PARVB: variants seen among roughly 807,000 people sequenced by gnomAD.
PARVB encodes beta-parvin.
PARVB carries 46 observed loss-of-function variants against 47.0 expected under a neutral mutation model. The ratio of observed to expected loss-of-function variants is 0.98; its 90% confidence interval spans 0.77 to 1.25. PARVB has a LOEUF of 1.25. Ranked by LOEUF, PARVB falls within the 50% of genes most tolerant of loss-of-function variation. PARVB has a pLI of 0.00. For synonymous variants in PARVB, 196 were observed against 196.3 expected (o/e 1.00, Z 0.01); for missense variants, 473 against 471.6 (o/e 1.00, Z -0.03).
intron 2 of PARVB, chr22:44,009,676 T>C (rs1464342045): frequency 1.3e-5 from 2 of 150,184 alleles, no homozygotes; most frequent in Non-Finnish European, 1.5e-5. Flanking sequence ...TTATATAAAC[T>C]CTCTTGTTAA....
In PARVB at chr22:44,132,837, G is replaced by A; in HGVS notation, c.518-57G>A. On this transcript the variant is annotated intron_variant, in intron 5 of 12. Transcript: ENST00000338758. The stretch of plus-strand genomic sequence containing the variant: ...TGTCTCTGTTGCCTTCTGCACGTGG[G>A]CTCAGGTTCCTGTGTAACCTGATCT... 6 of 1,181,420 alleles carry A rather than the reference G, an allele frequency of 5.1e-6. No homozygotes were observed. In the Middle Eastern group the frequency reaches 7.7e-4, roughly 152 times the overall value. The allele number at this position is 1,181,420 out of a possible 1,614,324, so 73.2% of individuals were successfully genotyped here.
chr22:44,043,934 G>T (rs551798284), intron 1 of PARVB, among the ~76,000 whole-genome samples: 118 of 152,292 alleles, frequency 7.7e-4, no homozygotes, highest in African/African-American at 2.6e-3. Context: ...AGTGGTGGCA[G>T]CTGTCCCATA....
intron 11 of PARVB, among the ~76,000 whole-genome samples, chr22:44,160,982 G>A (rs1043877425): frequency 1.3e-5 from 2 of 152,188 alleles, no homozygotes; most frequent in Non-Finnish European, 2.9e-5. Context: ...GGAGAGGCAC[G>A]TGAAAAGACC....
intron 2 of PARVB, among the ~76,000 whole-genome samples, chr22:44,098,865 G>A (rs1472279746): frequency 6.6e-6 from 1 of 151,836 alleles, no homozygotes; most frequent in Non-Finnish European, 1.5e-5. Context: ...ATAGAGACAG[G>A]GATTTCACTA....
chr22:44,119,921 A>G (rs1012511193), intron 4 of PARVB: 3 of 496,136 alleles, frequency 6.0e-6, no homozygotes, highest in African/African-American at 5.8e-5. Context: ...TGCCAGGCAA[A>G]GAACGGAAGA....
intron 2 of PARVB, among the ~76,000 whole-genome samples, chr22:44,007,399 T>C (rs1251248827): frequency 6.6e-6 from 1 of 152,194 alleles, no homozygotes; most frequent in African/African-American, 2.4e-5. Flanking sequence ...TTCATGTGAA[T>C]TTCCAGTCGT....
chr22:44,157,227 TGCAGATTTGAATGAATCCTTCCA>T (rs889211945), intron 10 of PARVB, among the ~76,000 whole-genome samples: 3 of 152,194 alleles, frequency 2.0e-5, no homozygotes, highest in Non-Finnish European at 2.9e-5. Context: ...CTCTGCACCC[TGCAGATTTGAATGAATCCTTCCA>T]GCAGCTGATG....
chr22:44,099,208 G>A (rs542179125), intron 2 of PARVB, among the ~76,000 whole-genome samples: 1 of 152,226 alleles, frequency 6.6e-6, no homozygotes, highest in South Asian at 2.1e-4. Context: ...CCCATGCTCT[G>A]TGCAGGTCCC....
chr22:44,013,226 C>T (rs1029088266), intron 2 of PARVB, among the ~76,000 whole-genome samples: 1 of 152,200 alleles, frequency 6.6e-6, no homozygotes, highest in Non-Finnish European at 1.5e-5. Flanking sequence ...CCTCTTTAAG[C>T]ACTTAGAGTG....
intron 4 of PARVB, among the ~76,000 whole-genome samples, chr22:44,123,736 G>C (rs778639322): frequency 2.0e-5 from 3 of 150,156 alleles, no homozygotes; most frequent in Admixed American, 6.7e-5. Flanking sequence ...TTGCCATGTT[G>C]CCCAGGCTGG....
At chr22:44,046,024 C>T (rs1003583349) in intron 1 of PARVB, among the ~76,000 whole-genome samples, 5 of 152,218 alleles carry the variant, frequency 3.3e-5, no homozygotes, top group Admixed American at 1.3e-4. Flanking sequence ...TTTAACAACA[C>T]GAAGTCTGCC....
At position 44,024,471 on chromosome 22, in the gene PARVB, C is replaced by A; in HGVS notation, c.112+20C>A. 1 of 1,137,166 alleles carries A rather than the reference C, an allele frequency of 8.8e-7. No homozygotes were observed. The highest frequency in any genetic ancestry group is 1.1e-6 in the Non-Finnish European group (1 of 925,496). 70.4% of individuals were successfully genotyped at this position (1,137,166 alleles called of 1,614,324 possible). ...GCGAGGGTGAGTGCGCGCCCGCGCC[C>A]GCCGACCCCCGGGGACCTGCCCGGC... is the stretch of plus-strand genomic sequence containing the variant. On this transcript the variant is annotated intron_variant, in intron 1 of 12. Transcript: ENST00000338758.
intron 10 of PARVB, among the ~76,000 whole-genome samples, chr22:44,154,341 T>A (rs926596707): frequency 5.3e-5 from 8 of 152,254 alleles, no homozygotes; most frequent in African/African-American, 1.9e-4. Flanking sequence ...TGGGTATTTT[T>A]ATAAATACCA....
chr22:44,076,568 C>A (rs143867863), intron 1 of PARVB, among the ~76,000 whole-genome samples: 27 of 152,304 alleles, frequency 1.8e-4, no homozygotes, highest in African/African-American at 6.5e-4. Context: ...TGCAGCTGTG[C>A]GTGGGGTGTG....
intron 4 of PARVB, among the ~76,000 whole-genome samples, chr22:44,128,829 G>A (rs1340553008): frequency 6.6e-6 from 1 of 152,212 alleles, no homozygotes; most frequent in African/African-American, 2.4e-5. Context: ...TGTAATCCCA[G>A]CACTTCCGGA....
intron 1 of PARVB, chr22:44,081,564 C>T (rs2051900689): frequency 1.0e-6 from 1 of 984,040 alleles, no homozygotes; most frequent in Non-Finnish European, 1.2e-6. Context: ...ACTTGGGAAC[C>T]AGCGAACGTG....
rs534553285 is a variant in PARVB at position 44,067,902 on chromosome 22, G to A, written c.113-26026G>A. 4.6e-5 allele frequency among the ~76,000 whole-genome samples: 7 copies of A among 152,340 alleles called. No homozygotes were observed. In the South Asian group the frequency reaches 1.0e-3, roughly 23 times the overall value. Reference sequence around the variant, plus strand: ...CTCTGGATGAAGCTTGGTTTGTGCCGTGGGAGTGGAGTGTTGGGGGACAGG... The same window carrying A: ...CTCTGGATGAAGCTTGGTTTGTGCCATGGGAGTGGAGTGTTGGGGGACAGG... On this transcript the variant is annotated intron_variant, in intron 1 of 12. Transcript: ENST00000338758.
rs566656924 is a variant in PARVB, at chr22:44,070,389, G to C, written c.113-23539G>C. Among the ~76,000 whole-genome samples, 3 of 152,262 alleles carry C rather than the reference G, an allele frequency of 2.0e-5. No homozygotes were observed. In the East Asian group the frequency reaches 5.8e-4, roughly 29 times the overall value. The stretch of plus-strand genomic sequence containing the variant: ...TGTTTCTGATACCAAGCAAACTCCT[G>C]GTAAATGCTCCTTCCCCACTTTTGT... On this transcript the variant is annotated intron_variant, in intron 1 of 12. Transcript: ENST00000338758.
intron 3 of PARVB, chr22:44,105,014 G>T (rs1299371157): frequency 1.3e-5 from 2 of 152,246 alleles, no homozygotes; most frequent in South Asian, 2.1e-4. Flanking sequence ...CACCTCCATT[G>T]TCCTTTCACC....
Sources: gnomAD v4.1 joint callset for allele counts (sites outside exome capture counted in the v4.1 genomes callset) on GRCh38, gnomAD v4.1.1 for gene constraint, MANE v1.5 for transcripts, NCBI Gene and HGNC (gene_info 2026-07-23, HGNC 2026-07-21) for gene names.